PTPRD: variants seen among roughly 807,000 people sequenced by gnomAD.
PTPRD encodes receptor-type tyrosine-protein phosphatase delta.
Under a neutral mutation model 214.5 loss-of-function variants are expected in PTPRD, and 34 were observed. That is an observed-to-expected ratio of 0.16 (90% CI 0.12 to 0.21). The LOEUF (loss-of-function observed/expected upper bound fraction) is 0.21, where lower values mean the gene tolerates loss of function less well. PTPRD is among the 10% of genes least tolerant of loss of function. The pLI is 1.00. For missense variants in PTPRD, 2,545 were observed against 2,398.7 expected, an observed-to-expected ratio of 1.06 and a Z score of -1.27; for synonymous variants, 1,128 against 845.7, an observed-to-expected ratio of 1.33 and a Z score of -5.79.
chr9:8,424,373 T>C lies in PTPRD; in HGVS notation c.4086+12219A>G, dbSNP rs1371964518. On this transcript the variant is annotated intron_variant, in intron 35 of 45. Coordinates refer to ENST00000381196, the MANE Select transcript of PTPRD (RefSeq NM_002839.4). ...TTCATATCCTAGCTTTGCCATTTAC[T>C]AGCTGTGTGACCTTGAGTAAGTTAC... Among the ~76,000 whole-genome samples the C allele has an allele frequency of 2.0e-5, 3 of 152,174 alleles. No homozygotes were observed. In the South Asian group the frequency reaches 6.2e-4, roughly 31 times the overall value.
chr9:10,578,610 C>A (rs1225497008), intron 2 of PTPRD, among the ~76,000 whole-genome samples: 1 of 152,118 alleles, frequency 6.6e-6, no homozygotes, highest in Non-Finnish European at 1.5e-5. Flanking sequence ...AACTGGGAAT[C>A]CAGAAACTCA....
At chr9:8,939,871 C>G (rs973948218) in intron 11 of PTPRD, among the ~76,000 whole-genome samples, 2 of 151,766 alleles carry the variant, frequency 1.3e-5, no homozygotes, top group African/African-American at 4.8e-5. Context: ...TTTATTTATT[C>G]TTTATTTTTT....
At chr9:9,370,480 G>A (rs1363680799) in intron 9 of PTPRD, among the ~76,000 whole-genome samples, 2 of 151,256 alleles carry the variant, frequency 1.3e-5, no homozygotes, top group East Asian at 3.9e-4. Flanking sequence ...AGACTTTGCT[G>A]AAGTTGCTTA....
chr9:9,156,714 C>G (rs1045944347), intron 10 of PTPRD, among the ~76,000 whole-genome samples: 2 of 151,146 alleles, frequency 1.3e-5, no homozygotes, highest in African/African-American at 4.8e-5. Context: ...TGGACCCAGA[C>G]TCTTTCCATC....
chr9:8,726,073 GAAGA>G (rs2098554267), intron 12 of PTPRD, among the ~76,000 whole-genome samples: 3 of 148,320 alleles, frequency 2.0e-5, no homozygotes, highest in Non-Finnish European at 4.4e-5. Context: ...ACAGTTTAGT[GAAGA>G]AATAAGTGAA....
At chr9:10,044,703 T>C (rs2097358011) in intron 3 of PTPRD, among the ~76,000 whole-genome samples, 1 of 151,678 alleles carries the variant, frequency 6.6e-6, no homozygotes, top group Non-Finnish European at 1.5e-5. Context: ...TTTTCTGAAG[T>C]TTTCAGAGAG....
intron 2 of PTPRD, among the ~76,000 whole-genome samples, chr9:10,397,608 A>G (rs1330428790): frequency 6.6e-6 from 1 of 152,014 alleles, no homozygotes; most frequent in African/African-American, 2.4e-5. Context: ...TAATATTATA[A>G]TACTATATTT....
chr9:8,425,500 GCTT>G lies in PTPRD; in HGVS notation c.4086+11089_4086+11091del, dbSNP rs532432059. ...TGTTGGGAACCCCTGAGCAAGCCACGCTTCTTCTCATCTCCATGCTTTTGCATG... is the reference window on the plus strand; with the variant it reads ...TGTTGGGAACCCCTGAGCAAGCCACGCTTCTCATCTCCATGCTTTTGCATG... On this transcript the variant is annotated intron_variant, in intron 35 of 45. Transcript: ENST00000381196. Among the ~76,000 whole-genome samples the G allele has an allele frequency of 8.1e-3, 1,237 of 152,214 alleles. 10 individuals carry two copies. The highest frequency in any genetic ancestry group is 0.024 in the Middle Eastern group (7 of 294).
chr9:10,571,587 G>C (rs1302942256), intron 2 of PTPRD, among the ~76,000 whole-genome samples: 1 of 152,112 alleles, frequency 6.6e-6, no homozygotes, highest in East Asian at 1.9e-4. Context: ...CATCTGTAAA[G>C]TGGTCATGAC....
chr9:9,232,915 G>C (rs1409522561), intron 9 of PTPRD, among the ~76,000 whole-genome samples: 1 of 151,994 alleles, frequency 6.6e-6, no homozygotes, highest in East Asian at 1.9e-4. Context: ...CACAAATCCA[G>C]CTATAAACCT....
intron 5 of PTPRD, among the ~76,000 whole-genome samples, chr9:9,926,509 T>G (rs1045191081): frequency 6.6e-6 from 1 of 151,838 alleles, no homozygotes; most frequent in Non-Finnish European, 1.5e-5. Flanking sequence ...GATGAATGCA[T>G]ACAACAGAGA....
intron 11 of PTPRD, among the ~76,000 whole-genome samples, chr9:8,920,987 T>C (rs537741221): frequency 6.6e-6 from 1 of 152,228 alleles, no homozygotes; most frequent in South Asian, 2.1e-4. Context: ...CTTACTTTTG[T>C]ATTTTTAGTC....
At chr9:8,940,177 G>T (rs1299461657) in intron 11 of PTPRD, among the ~76,000 whole-genome samples, 1 of 151,052 alleles carries the variant, frequency 6.6e-6, no homozygotes, top group Non-Finnish European at 1.5e-5. Context: ...CAGTCTTCAG[G>T]CTACATGGTT....
intron 7 of PTPRD, among the ~76,000 whole-genome samples, chr9:9,723,779 T>G (rs574719482): frequency 6.6e-6 from 1 of 152,134 alleles, no homozygotes; most frequent in Non-Finnish European, 1.5e-5. Flanking sequence ...CTGTTTTGAA[T>G]AGAAGTGTTT....
intron 14 of PTPRD, among the ~76,000 whole-genome samples, chr9:8,584,386 C>T (rs549202983): frequency 6.6e-6 from 1 of 151,886 alleles, no homozygotes; most frequent in East Asian, 1.9e-4. Context: ...CAGATGCTAG[C>T]CTCCCTTAGA....
At chr9:9,875,106 T>A (rs1292028528) in intron 5 of PTPRD, among the ~76,000 whole-genome samples, 2 of 152,134 alleles carry the variant, frequency 1.3e-5, no homozygotes, top group Admixed American at 1.3e-4. Context: ...AATTCTTAAA[T>A]ATTTAGTTCT....
chr9:8,724,612 T>C (rs1425273500), intron 12 of PTPRD, among the ~76,000 whole-genome samples: 1 of 152,124 alleles, frequency 6.6e-6, no homozygotes, highest in Non-Finnish European at 1.5e-5. Flanking sequence ...TGAACAAGGT[T>C]TATGGAGCCT....
At chr9:8,943,548 A>C (rs573642178) in intron 11 of PTPRD, among the ~76,000 whole-genome samples, 2 of 151,000 alleles carry the variant, frequency 1.3e-5, no homozygotes, top group South Asian at 4.2e-4. Context: ...TCAATAAATA[A>C]TAAATTATTT....
chr9:9,290,540 G>GT (rs2134070031), intron 9 of PTPRD, among the ~76,000 whole-genome samples: 1 of 151,080 alleles, frequency 6.6e-6, no homozygotes, highest in Non-Finnish European at 1.5e-5. Flanking sequence ...TTAGAGTTTT[G>GT]GTTCTGCTAT....
Sources: gnomAD v4.1 joint callset for allele counts (sites outside exome capture counted in the v4.1 genomes callset) on GRCh38, gnomAD v4.1.1 for gene constraint, MANE v1.5 for transcripts, NCBI Gene and HGNC (gene_info 2026-07-23, HGNC 2026-07-21) for gene names.